The following ACACA variants were observed in gnomAD, a reference collection of about 807,000 sequenced individuals.
ACACA encodes the protein acetyl-CoA carboxylase 1.
ACACA carries 103 observed loss-of-function variants against 296.1 expected under a neutral mutation model. The ratio of observed to expected loss-of-function variants is 0.35; its 90% CI spans 0.30 to 0.41. The LOEUF (loss-of-function observed/expected upper bound fraction) is 0.41, where lower values mean the gene tolerates loss of function less well. Ranked by LOEUF, ACACA falls within the 10% of genes least tolerant of loss-of-function variation. The pLI is 1.00. For synonymous variants in ACACA, 953 were observed against 1,038.6 expected, an observed-to-expected ratio of 0.92 and a Z score of 1.58; for missense variants, 1,554 against 2,989.7, an observed-to-expected ratio of 0.52 and a Z score of 11.20.
intron 23 of ACACA, among the ~76,000 whole-genome samples, chr17:37,241,425 C>T (rs568260027): frequency 4.6e-5 from 7 of 152,222 alleles, no homozygotes; most frequent in Admixed American, 4.6e-4. Flanking sequence ...AATTGACAGG[C>T]TGGACGCAGT....
At chr17:37,243,762 A>G (rs2080540657) in intron 21 of ACACA, among the ~76,000 whole-genome samples, 2 of 152,186 alleles carry the variant, frequency 1.3e-5, no homozygotes, top group Admixed American at 1.3e-4. Context: ...TGTAATTTTG[A>G]TCCATGTTTG....
intron 43 of ACACA, among the ~76,000 whole-genome samples, chr17:37,153,124 G>A (rs1378786197): frequency 1.3e-5 from 2 of 152,042 alleles, no homozygotes; most frequent in Non-Finnish European, 2.9e-5. Context: ...TTTGTATAAG[G>A]TCCATATAGT....
intron 52 of ACACA, among the ~76,000 whole-genome samples, chr17:37,105,809 A>G (rs1168833012): frequency 6.6e-6 from 1 of 151,200 alleles, no homozygotes; most frequent in Non-Finnish European, 1.5e-5. Context: ...GGTTGCAGTG[A>G]GCCGTGATCG....
intron 10 of ACACA, among the ~76,000 whole-genome samples, chr17:37,270,123 T>C (rs2082003416): frequency 6.6e-6 from 1 of 152,228 alleles, no homozygotes; most frequent in South Asian, 2.1e-4. Flanking sequence ...AGAGAGATCC[T>C]ACATCGAGCT....
At chr17:37,107,636 G>T (rs191894238) in intron 52 of ACACA, among the ~76,000 whole-genome samples, 33 of 152,354 alleles carry the variant, frequency 2.2e-4, no homozygotes, top group Admixed American at 2.0e-3. Context: ...TGTTCTGTGT[G>T]GGCGCAGTGC....
At chr17:37,358,873 G>A in intron 1 of ACACA, 3 of 890,842 alleles carry the variant, frequency 3.4e-6, no homozygotes, top group Non-Finnish European at 4.0e-6. Flanking sequence ...TCTGGATAGT[G>A]TGGAGCCCAG....
intron 41 of ACACA, among the ~76,000 whole-genome samples, chr17:37,168,371 TTG>T (rs1210756075): frequency 6.6e-6 from 1 of 152,168 alleles, no homozygotes; most frequent in African/African-American, 2.4e-5. Context: ...ATTTTCTTTT[TTG>T]TGTTTATATT....
intron 52 of ACACA, among the ~76,000 whole-genome samples, chr17:37,099,465 A>ATGGC (rs778685315): frequency 0.015 from 2,218 of 151,230 alleles, 29 homozygotes; most frequent in Middle Eastern, 0.055. Context: ...GGGAGGGCTG[A>ATGGC]GGGATGGAGG....
At chr17:37,374,212 C>T (rs1036276247) in intron 1 of ACACA, among the ~76,000 whole-genome samples, 2 of 151,844 alleles carry the variant, frequency 1.3e-5, no homozygotes, top group Non-Finnish European at 2.9e-5. Context: ...TAGCCCATCT[C>T]CAAAATAAAA....
At chr17:37,101,070 C>G (rs2073334820) in intron 52 of ACACA, among the ~76,000 whole-genome samples, 1 of 146,206 alleles carries the variant, frequency 6.8e-6, no homozygotes, top group African/African-American at 2.6e-5. Flanking sequence ...GCACTCCAGC[C>G]TGAGTGACTG....
chr17:37,106,532 T>C (rs866377718), intron 52 of ACACA, among the ~76,000 whole-genome samples: 1 of 152,158 alleles, frequency 6.6e-6, no homozygotes, highest in Admixed American at 6.5e-5. Flanking sequence ...AAAATCATTA[T>C]ATTAATAGAA....
chr17:37,128,268 GA>G (rs1466203794), intron 47 of ACACA, among the ~76,000 whole-genome samples: 3 of 152,006 alleles, frequency 2.0e-5, no homozygotes, highest in Non-Finnish European at 4.4e-5. Flanking sequence ...GACCTTGTAC[GA>G]ATCACTCAAC....
At chr17:37,275,508 A>G (rs1025288179) in intron 8 of ACACA, among the ~76,000 whole-genome samples, 66 of 150,980 alleles carry the variant, frequency 4.4e-4, no homozygotes, top group African/African-American at 1.4e-3. Flanking sequence ...AAAAAAAAAA[A>G]AAAAAGAAAA....
intron 40 of ACACA, among the ~76,000 whole-genome samples, chr17:37,180,642 T>C (rs2077283437): frequency 6.6e-6 from 1 of 152,186 alleles, no homozygotes; most frequent in African/African-American, 2.4e-5. Context: ...TGTTTTCATA[T>C]AGAGGCTGAG....
rs533696796 is a variant in ACACA at position 37,377,376 on chromosome 17, G to A, written c.38+28886C>T. Among the ~76,000 whole-genome samples the A allele has an allele frequency of 6.6e-5, 10 of 151,964 alleles. No individual in the cohort carries two copies. In the South Asian group the frequency reaches 2.1e-3, roughly 32 times the overall value. ...TATTTGGCTGGGTGTTCTTTTTTGA[G>A]GGCCGGGCGTGGTGGCTCACACCTG... is the stretch of plus-strand genomic sequence containing the variant. On this transcript the variant is annotated intron_variant, in intron 1 of 55. Coordinates refer to ENST00000616317, the MANE Select transcript of ACACA (RefSeq NM_198834.3).
At chr17:37,093,086 C>T (rs2072753705) in intron 54 of ACACA, among the ~76,000 whole-genome samples, 1 of 152,214 alleles carries the variant, frequency 6.6e-6, no homozygotes, top group Non-Finnish European at 1.5e-5. Flanking sequence ...TACCTCCTCC[C>T]TGCCTGGCCC....
intron 27 of ACACA, 114 bp downstream of exon 27, chr17:37,224,878 G>GA (rs2079467324): frequency 4.2e-6 from 2 of 471,594 alleles, no homozygotes; most frequent in Non-Finnish European, 7.2e-6. Flanking sequence ...CCATTATATG[G>GA]AAAATCAAAA....
At chr17:37,145,098 CACTATGTTAAACAT>C (rs1466504516) in intron 45 of ACACA, among the ~76,000 whole-genome samples, 1 of 152,064 alleles carries the variant, frequency 6.6e-6, no homozygotes, top group Non-Finnish European at 1.5e-5. Context: ...TGCCACCTAA[CACTATGTTAAACAT>C]ACTAATACTT....
chr17:37,305,474 CTT>C (rs2083827452), intron 3 of ACACA, among the ~76,000 whole-genome samples: 1 of 152,166 alleles, frequency 6.6e-6, no homozygotes, highest in Admixed American at 6.5e-5. Flanking sequence ...GCTAGAAAGG[CTT>C]TTATCCTCTG....
Sources: allele counts gnomAD v4.1 joint callset (sites outside exome capture counted in the v4.1 genomes callset), GRCh38; gene constraint gnomAD v4.1.1; transcripts MANE v1.5; gene names NCBI Gene and HGNC (gene_info 2026-07-23, HGNC 2026-07-21).